The following CIZ1 variants were observed in gnomAD, a reference collection of about 807,000 sequenced individuals.
The protein encoded by CIZ1 is cip1-interacting zinc finger protein.
A neutral mutation model predicts 118.6 loss-of-function variants in CIZ1; 58 were observed. That is an observed-to-expected ratio of 0.49 (90% CI 0.40 to 0.61). The LOEUF (loss-of-function observed/expected upper bound fraction) is 0.61, where lower values mean the gene tolerates loss of function less well. Among genes scored for constraint, CIZ1 ranks in the 20% least tolerant of loss-of-function variants. CIZ1 has a pLI of 0.00. For synonymous variants in CIZ1, 448 were observed against 443.4 expected (o/e 1.01, Z -0.13); for missense variants, 921 against 1,115.9 (o/e 0.83, Z 2.49).
chr9:128,169,061 G>T lies in CIZ1; in HGVS notation c.2286C>A (p.Leu762=). The T allele has an allele frequency of 1.2e-6, 2 of 1,614,118 alleles. No individual in the cohort carries two copies. Among genetic ancestry groups the T allele is most frequent in the Non-Finnish European group, 1.7e-6 (2 of 1,180,010 alleles). The part of the protein sequence containing the change: ...DEEEIEVEEE[L]CKQVRSRDIS... ...ACCCTCCCCCCAGCACCTGCTTGCA[G>T]AGTTCCTCCTCAACCTCGATCTCTT... Residue 762 remains leucine (L), a synonymous_variant, in exon 14 of 17, where the codon CTC becomes CTA. Transcript: ENST00000372938.
In CIZ1 at chr9:128,203,433, C is replaced by A; in HGVS notation, c.-6+753G>T. 7.0e-7 allele frequency: 1 copy of A among 1,427,538 alleles called. No homozygotes were observed. The highest frequency in any genetic ancestry group is 9.2e-7 in the Non-Finnish European group (1 of 1,086,854). The allele number at this position is 1,427,538 out of a possible 1,614,324, so 88.4% of individuals were successfully genotyped here. On this transcript the variant is annotated intron_variant, in intron 1 of 17. Coordinates refer to the CIZ1 transcript ENST00000372948. This position sits in a 1 kb window ranked among gnomAD's most constrained non-coding sequence, Gnocchi z 5.3. ...CCGGAGTCGGAGCCGGGAGCGCTAG[C>A]GGCAGCCGGATCGCAGCCTGCGGGG...
chr9:128,188,683 G>T (rs2131015931), intron 3 of CIZ1, among the ~76,000 whole-genome samples: 1 of 151,934 alleles, frequency 6.6e-6, no homozygotes, highest in African/African-American at 2.4e-5. Context: ...ACCTAGGCTG[G>T]AATGCAGTGA....
chr9:128,198,970 G>A lies in CIZ1; in HGVS notation c.-6+5216C>T, dbSNP rs116195574. Among the ~76,000 whole-genome samples the A allele has an allele frequency of 1.8e-3, 270 of 152,218 alleles. 4 individuals carry two copies. The highest frequency in any genetic ancestry group is 6.3e-3 in the African/African-American group (261 of 41,484). On this transcript the variant is annotated intron_variant, in intron 1 of 17. Coordinates refer to the CIZ1 transcript ENST00000372948. The stretch of plus-strand genomic sequence containing the variant: ...GAAGCTCTGAGTCACACTGACAACC[G>A]TCTACATCTTGACTCCATCATTTCT...
intron 11 of CIZ1, 121 bp downstream of exon 11, chr9:128,176,230 G>T: frequency 7.9e-7 from 1 of 1,259,506 alleles, no homozygotes; most frequent in Non-Finnish European, 1.1e-6. Flanking sequence ...AACAGTGTGA[G>T]GAGGCCTGGC....
At chr9:128,191,958 C>T, upstream of CIZ1, 2 of 1,382,836 alleles carry the variant, frequency 1.4e-6, no homozygotes, top group Non-Finnish European at 1.9e-6. The surrounding 1 kb of genome is among the most constrained non-coding windows in gnomAD (Gnocchi z 5.5). Flanking sequence ...GGGACCCAGG[C>T]CAGGCGAGAG....
intron 9 of CIZ1, 96 bp downstream of exon 9, chr9:128,178,273 A>C (rs1831123240): frequency 7.1e-7 from 1 of 1,413,664 alleles, no homozygotes; most frequent in Non-Finnish European, 9.6e-7. Flanking sequence ...TGGGGGAAAC[A>C]CAAGGAGGCC....
rs749855026 is a variant in CIZ1, at chr9:128,178,844, C to G, written c.1363G>C (p.Val455Leu). The G allele has an allele frequency of 6.2e-7, 1 of 1,614,214 alleles. No individual in the cohort carries two copies. The highest frequency in any genetic ancestry group is 8.5e-7 in the Non-Finnish European group (1 of 1,180,028). Residue 455 changes from valine (V) to leucine (L), a missense_variant, in exon 8 of 17, where the codon GTA becomes CTA. Coordinates refer to ENST00000372938, the MANE Select transcript of CIZ1 (RefSeq NM_001131016.2). ...PQEHPPAQVS[V>L]QPPEQTHEQP... ...TCATGGGTCTGCTCTGGTGGCTGTA[C>G]TGACACCTGCGCTGGAGGATGCTCC...
intron 1 of CIZ1, among the ~76,000 whole-genome samples, chr9:128,198,977 T>A (rs1049005129): frequency 7.9e-5 from 12 of 152,148 alleles, no homozygotes; most frequent in Non-Finnish European, 1.3e-4. Flanking sequence ...ACCGTCTACA[T>A]CTTGACTCCA....
chr9:128,192,040 T>A, upstream of CIZ1: 1 of 708,550 alleles, frequency 1.4e-6, no homozygotes, highest in Non-Finnish European at 2.1e-6. Flanking sequence ...CCTCCAAGTC[T>A]TTTCTCAGTA....
At chr9:128,196,483 G>T (rs1279597324), upstream of CIZ1, among the ~76,000 whole-genome samples, 1 of 151,620 alleles carries the variant, frequency 6.6e-6, no homozygotes, top group Non-Finnish European at 1.5e-5. Context: ...GAGAGGTCAA[G>T]TCTACAGTGA....
At position 128,179,219 on chromosome 9, in the gene CIZ1, T is replaced by A; in HGVS notation, c.988A>T (p.Ile330Leu). 6.2e-7 allele frequency: 1 copy of A among 1,614,106 alleles called. No homozygotes were observed. Among genetic ancestry groups the A allele is most frequent in the East Asian group, 2.2e-5 (1 of 44,886 alleles). ...AQVQSQTQPR[I>L]PSTDTQVQPK... ...TGCACCTGGGTGTCTGTGGATGGTATCCGCGGCTGAGTCTGTGACTGCACC... is the reference window on the plus strand; with the variant it reads ...TGCACCTGGGTGTCTGTGGATGGTAACCGCGGCTGAGTCTGTGACTGCACC... The change falls in exon 8 of 17, where the codon ATA (isoleucine) becomes TTA (leucine). Residue 330 changes from isoleucine (I) to leucine (L), a missense_variant. Coordinates refer to ENST00000372938, the MANE Select transcript of CIZ1 (RefSeq NM_001131016.2).
At chr9:128,179,508 C>T (rs1411407961) in intron 7 of CIZ1, 93 bp from the exon 8 acceptor site, 79 of 1,185,474 alleles carry the variant, frequency 6.7e-5, no homozygotes, top group Non-Finnish European at 8.6e-5. Flanking sequence ...CGTGGTGGCT[C>T]GCATCTGTAA....
chr9:128,200,179 C>T (rs1005241111), intron 1 of CIZ1: 1 of 151,832 alleles, frequency 6.6e-6, no homozygotes, highest in Non-Finnish European at 1.5e-5. Context: ...TAGTATAATC[C>T]CATTTCTGTA....
rs536284275 is a variant in CIZ1, at chr9:128,169,610, C to A, written c.2032-91G>T. 6 of 1,567,272 alleles carry A rather than the reference C, an allele frequency of 3.8e-6. No individual in the cohort carries two copies. In the African/African-American group the frequency reaches 5.4e-5, roughly 14 times the overall value. The stretch of plus-strand genomic sequence containing the variant: ...GGGCCCAGCAAGAGCTCACCTCCCC[C>A]GGGCAGGCCCACCATATCTGTAACA... On this transcript the variant is annotated intron_variant, in intron 12 of 16. Coordinates refer to ENST00000372938, the MANE Select transcript of CIZ1 (RefSeq NM_001131016.2).
chr9:128,168,931 G>A (rs1829783528), intron 14 of CIZ1, 121 bp downstream of exon 14: 5 of 1,356,174 alleles, frequency 3.7e-6, no homozygotes, highest in Non-Finnish European at 4.1e-6. Flanking sequence ...GTAATCAGTT[G>A]TGGCATGCAT....
At chr9:128,181,622 C>T (rs1831624667) in intron 5 of CIZ1, among the ~76,000 whole-genome samples, 1 of 152,226 alleles carries the variant, frequency 6.6e-6, no homozygotes, top group Admixed American at 6.5e-5. Flanking sequence ...TTCTGTTATG[C>T]CTGGGCAGGG....
intron 4 of CIZ1, among the ~76,000 whole-genome samples, chr9:128,186,465 T>C (rs1215686871): frequency 6.6e-6 from 1 of 152,074 alleles, no homozygotes; most frequent in African/African-American, 2.4e-5. Context: ...ACTTTCCCGC[T>C]CCATCCCCAC....
At chr9:128,202,702 A>T (rs558926771) in intron 1 of CIZ1, 1 of 152,132 alleles carries the variant, frequency 6.6e-6, no homozygotes, top group South Asian at 2.1e-4. Flanking sequence ...CACCCTGTTT[A>T]TTTCCTCCAT....
chr9:128,180,551 T>A (rs751693903), intron 6 of CIZ1, 28 bp from the exon 7 acceptor site: 1 of 1,587,544 alleles, frequency 6.3e-7, no homozygotes, highest in Non-Finnish European at 8.6e-7. Flanking sequence ...GCGAGGGAAC[T>A]CATGTTGGGA....
Sources: allele counts gnomAD v4.1 joint callset (sites outside exome capture counted in the v4.1 genomes callset), GRCh38; gene constraint gnomAD v4.1.1; non-coding constraint Gnocchi (gnomAD v3.1); transcripts MANE v1.5; gene names NCBI Gene and HGNC (gene_info 2026-07-23, HGNC 2026-07-21).